The following DCTN1 variants were observed in gnomAD, a reference collection of about 807,000 sequenced individuals.
DCTN1 encodes the protein 150 kDa dynein-associated polypeptide.
In DCTN1, 61 loss-of-function variants were observed where a neutral mutation model predicts 161.2. That is an observed-to-expected ratio of 0.38 (90% CI 0.31 to 0.47). The LOEUF is 0.47. Among genes scored for constraint, DCTN1 ranks in the 20% least tolerant of loss-of-function variants. The probability of loss-of-function intolerance (pLI) is 0.99; values close to 1 mark genes in which losing one functional copy is unlikely to be tolerated. For missense variants in DCTN1, 1,404 were observed against 1,623.7 expected (o/e 0.86, Z 2.33); for synonymous variants, 653 against 632.4 (o/e 1.03, Z -0.49).
At chr2:74,366,183 T>C (rs1376638124) in intron 23 of DCTN1, 61 bp downstream of exon 23, 1 of 1,612,332 alleles carries the variant, frequency 6.2e-7, no homozygotes, top group Non-Finnish European at 8.5e-7. Context: ...CAACTAGCAG[T>C]AGCTCTGCAA....
chr2:74,378,865 C>T, intron 1 of DCTN1: 1 of 157,342 alleles, frequency 6.4e-6, no homozygotes, highest in Non-Finnish European at 1.4e-5. Flanking sequence ...ACCCCAGATG[C>T]TTCACCACAG....
chr2:74,363,930 CCT>C (rs1273373161), intron 26 of DCTN1: 2 of 478,600 alleles, frequency 4.2e-6, no homozygotes, highest in African/African-American at 2.0e-5. Flanking sequence ...TTCCTGCCTC[CCT>C]GTCTCAGATG....
intron 5 of DCTN1, among the ~76,000 whole-genome samples, chr2:74,376,182 G>A (rs530406591): frequency 6.0e-4 from 89 of 147,548 alleles, no homozygotes; most frequent in African/African-American, 2.1e-3. Flanking sequence ...CACCACCAGA[G>A]GAAGGAGACA....
chr2:74,376,905 G>C (rs1675260564), intron 4 of DCTN1, 143 bp from the exon 5 acceptor site: 1 of 760,916 alleles, frequency 1.3e-6, no homozygotes, highest in South Asian at 1.5e-5. Context: ...TCAGCTTCCA[G>C]GATGTTCACA....
chr2:74,366,734 T>G, intron 21 of DCTN1, 49 bp downstream of exon 21: 1 of 1,614,238 alleles, frequency 6.2e-7, no homozygotes, highest in Non-Finnish European at 8.5e-7. Context: ...TGCTATACCC[T>G]TCATGTTTCT....
In DCTN1 at chr2:74,367,710, T is replaced by C; in HGVS notation, c.2170A>G (p.Ile724Val). ...TTGCCCCACACCTGATAGTACTTGA[T>C]GGCCTTGGTGAGAGGCTCCACATTG... ...TVNVEPLTKAIKYYQHLYSIH... is the reference protein window; with the variant it reads ...TVNVEPLTKAVKYYQHLYSIH... Residue 724 changes from isoleucine (I) to valine (V), a missense_variant, in exon 18 of 32, where the codon ATC (isoleucine) becomes GTC (valine). Transcript: ENST00000628224. The C allele has an allele frequency of 6.2e-7, 1 of 1,614,194 alleles. No individual in the cohort carries two copies. Among genetic ancestry groups the C allele is most frequent in the Non-Finnish European group, 8.5e-7 (1 of 1,180,036 alleles).
At chr2:74,388,741 C>T (rs928182728) in intron 1 of DCTN1, among the ~76,000 whole-genome samples, 3 of 152,220 alleles carry the variant, frequency 2.0e-5, no homozygotes, top group Admixed American at 2.0e-4. Context: ...TATCTAAGCA[C>T]TCGGCGTAGG....
chr2:74,381,486 T>C (rs116318136), upstream of DCTN1, among the ~76,000 whole-genome samples: 1,795 of 152,208 alleles, frequency 0.012, 41 homozygotes, highest in African/African-American at 0.037. Flanking sequence ...CCAGACCCCC[T>C]AGGAAATAAT....
At chr2:74,374,047 TA>T in intron 6 of DCTN1, 1 of 488,874 alleles carries the variant, frequency 2.0e-6, no homozygotes, top group East Asian at 4.1e-5. Flanking sequence ...CCAGATCCGG[TA>T]TGCGGTAGAG....
intron 1 of DCTN1, chr2:74,391,764 C>A (rs982580653): frequency 1.3e-5 from 6 of 453,154 alleles, no homozygotes; most frequent in African/African-American, 1.2e-4. Context: ...GCCGGCGGAG[C>A]AGACGGTTGG....
At chr2:74,361,989 G>A (rs1281982606) in intron 31 of DCTN1, 63 bp downstream of exon 31, 45 of 1,555,446 alleles carry the variant, frequency 2.9e-5, no homozygotes, top group Non-Finnish European at 3.8e-5. Flanking sequence ...CAATTCTGGA[G>A]GAGAGGGGGG....
chr2:74,367,519 A>G, intron 18 of DCTN1, 99 bp from the exon 19 acceptor site: 1 of 1,494,102 alleles, frequency 6.7e-7, no homozygotes, highest in Non-Finnish European at 9.3e-7. Flanking sequence ...GGGTCTCTGG[A>G]GGTACAAGAG....
In DCTN1 at chr2:74,370,945, C is replaced by A. The variant is rs768104673; in HGVS notation, c.843+34G>T. 1.2e-6 allele frequency: 2 copies of A among 1,613,252 alleles called. No individual in the cohort carries two copies. The highest frequency in any genetic ancestry group is 1.7e-6 in the Non-Finnish European group (2 of 1,180,038). On this transcript the variant is annotated intron_variant, in intron 9 of 31. Coordinates refer to ENST00000628224, the MANE Select transcript of DCTN1 (RefSeq NM_004082.5). The surrounding 1 kb of genome is among the most constrained non-coding windows in gnomAD (Gnocchi z 4.4). Reference sequence around the variant, plus strand: ...CCAGCATGCTTCCTTAGGTCTCAGGCTGCCCCAGCCACCCCCTTCATCCAG... The same window carrying A: ...CCAGCATGCTTCCTTAGGTCTCAGGATGCCCCAGCCACCCCCTTCATCCAG...
upstream of DCTN1, chr2:74,384,971 G>T (rs934650263): frequency 2.6e-5 from 4 of 152,238 alleles, no homozygotes; most frequent in Admixed American, 2.6e-4. Flanking sequence ...GAGACTGGAA[G>T]CTTGGAAAGC....
chr2:74,365,434 A>G lies in DCTN1; in HGVS notation c.3029+81T>C, dbSNP rs528721141. 1.0e-4 allele frequency: 168 copies of G among 1,605,214 alleles called. 1 individual carries two copies. In the African/African-American group the frequency reaches 2.0e-3, roughly 20 times the overall value. ...GGGAGTCTCACTATAAGAGAACCTG[A>G]GTAGGGGTATGGGTTAGGAGGCAGA... On this transcript the variant is annotated intron_variant, in intron 25 of 31. Coordinates refer to ENST00000628224, the MANE Select transcript of DCTN1 (RefSeq NM_004082.5).
Position 74,380,199 on chromosome 2 carries a change from C to CG in DCTN1, c.-163dup. 2 of 754,962 alleles carry CG rather than the reference C, an allele frequency of 2.6e-6. No homozygotes were observed. Among genetic ancestry groups the CG allele is most frequent in the South Asian group, 2.9e-5 (2 of 68,302 alleles). 46.8% of individuals were successfully genotyped at this position (754,962 alleles called of 1,614,324 possible). On this transcript the variant is annotated 5_prime_UTR_variant, in exon 1 of 32. Coordinates refer to ENST00000628224, the MANE Select transcript of DCTN1 (RefSeq NM_004082.5). ...CATGGGCCTCACTCGGTGGCCTACACGGGTAGGGGTGGGGGCAGTGATGGG... is the reference window on the plus strand; with the variant it reads ...CATGGGCCTCACTCGGTGGCCTACACGGGGTAGGGGTGGGGGCAGTGATGGG...
In DCTN1 at chr2:74,367,978, A is replaced by G; in HGVS notation, c.2008T>C (p.Tyr670His). The G allele has an allele frequency of 6.2e-7, 1 of 1,614,200 alleles. No individual in the cohort carries two copies. Among genetic ancestry groups the G allele is most frequent in the Non-Finnish European group, 8.5e-7 (1 of 1,180,024 alleles). ...GAGTCAGGAGTCACTTACTGCTCAT[A>G]GCGGTGTAGCGTGGCCTGCAGCAGG... is the stretch of plus-strand genomic sequence containing the variant. ...LSLLQATLHR[Y>H]EHALSQCSVD... Residue 670 changes from tyrosine (Y) to histidine (H), a missense_variant, in exon 17 of 32, where the codon TAT (tyrosine) becomes CAT (histidine). Tyr to His is a moderately conservative substitution (Grantham distance 83). Around this residue, in one of 9 missense-constraint regions of DCTN1, gnomAD observed 475 missense variants for 489.8 expected, o/e 0.97. Transcript: ENST00000628224.
chr2:74,369,016 C>A lies in DCTN1; in HGVS notation c.1701+82G>T, dbSNP rs112487792. ...CTTCCAAACCACCACACAAAGCACC[C>A]CTTCCCCCAGGAATCTGAAGCCCAG... On this transcript the variant is annotated intron_variant, in intron 15 of 31. Transcript: ENST00000628224. This position sits in a 1 kb window ranked among gnomAD's most constrained non-coding sequence, Gnocchi z 4.9. 1.4e-3 allele frequency: 2,138 copies of A among 1,563,946 alleles called. 17 individuals are homozygous for A. In the African/African-American group the frequency reaches 0.023, roughly 17 times the overall value.
At chr2:74,377,032 G>A (rs1468248325) in intron 4 of DCTN1, among the ~76,000 whole-genome samples, 2 of 152,240 alleles carry the variant, frequency 1.3e-5, no homozygotes, top group Non-Finnish European at 2.9e-5. Flanking sequence ...GAGGCAGAGG[G>A]CCCGGCTCCT....
Sources: allele counts gnomAD v4.1 joint callset (sites outside exome capture counted in the v4.1 genomes callset), GRCh38; gene constraint gnomAD v4.1.1; regional missense constraint gnomAD v4.1.1; non-coding constraint Gnocchi (gnomAD v3.1); transcripts MANE v1.5; gene names NCBI Gene and HGNC (gene_info 2026-07-23, HGNC 2026-07-21).